GPR15LG: variants seen among roughly 807,000 people sequenced by gnomAD.
GPR15LG encodes protein GPR15LG.
At chr10:84,185,127 G>C in the GPR15LG span, 3 of 1,086,536 alleles carry the variant, frequency 2.8e-6, no homozygotes, top group Non-Finnish European at 3.4e-6. Flanking sequence ...GGCTGACCAA[G>C]ACTGCAGAGT....
At chr10:84,184,795 G>C in the GPR15LG span, 1 of 1,612,872 alleles carries the variant, frequency 6.2e-7, no homozygotes, top group Non-Finnish European at 8.5e-7. Flanking sequence ...CCAGACAGCG[G>C]AGAACCTCAT....
At chr10:84,180,431 C>G in the GPR15LG span, among the ~76,000 whole-genome samples, 1 of 151,212 alleles carries the variant, frequency 6.6e-6, no homozygotes, top group East Asian at 2.0e-4. Flanking sequence ...GGCAGAGGGG[C>G]TCCTCAGTTC....
the GPR15LG span, among the ~76,000 whole-genome samples, chr10:84,175,984 G>T: frequency 6.6e-6 from 1 of 151,992 alleles, no homozygotes; most frequent in Non-Finnish European, 1.5e-5. Context: ...CGCCTCCCGG[G>T]TTCAAGTGAT....
the GPR15LG span, among the ~76,000 whole-genome samples, chr10:84,181,271 G>T: frequency 1.3e-5 from 2 of 151,084 alleles, no homozygotes; most frequent in Non-Finnish European, 2.9e-5. Flanking sequence ...TAGAGGCAGG[G>T]TTTCACCATG....
the GPR15LG span, chr10:84,173,850 C>T: frequency 6.2e-7 from 1 of 1,611,480 alleles, no homozygotes; most frequent in Non-Finnish European, 8.5e-7. Context: ...TGCCTTCTCA[C>T]CATGAGGCTT....
the GPR15LG span, among the ~76,000 whole-genome samples, chr10:84,180,704 C>A: frequency 1.3e-5 from 2 of 152,192 alleles, no homozygotes; most frequent in Non-Finnish European, 2.9e-5. Flanking sequence ...GCAGAGGCTG[C>A]AATCTCAGCA....
the GPR15LG span, chr10:84,184,637 T>C: frequency 2.5e-6 from 4 of 1,605,322 alleles, no homozygotes; most frequent in Admixed American, 6.7e-5. Flanking sequence ...GACCTCGCCA[T>C]CTTCCTGTCC....
At chr10:84,180,103 A>G in the GPR15LG span, among the ~76,000 whole-genome samples, 47 of 152,344 alleles carry the variant, frequency 3.1e-4, no homozygotes, top group East Asian at 8.7e-3. Context: ...TGCTGCCTTC[A>G]AGCATCTGTT....
At chr10:84,176,226 T>C in the GPR15LG span, among the ~76,000 whole-genome samples, 1 of 152,142 alleles carries the variant, frequency 6.6e-6, no homozygotes, top group Non-Finnish European at 1.5e-5. Flanking sequence ...AAGGGGAGAA[T>C]TATTATGTCA....
the GPR15LG span, among the ~76,000 whole-genome samples, chr10:84,180,029 C>T: frequency 2.0e-5 from 3 of 152,148 alleles, no homozygotes; most frequent in African/African-American, 7.2e-5. Flanking sequence ...GCCTTGCCAC[C>T]TTCCGCAGTG....
the GPR15LG span, among the ~76,000 whole-genome samples, chr10:84,184,306 G>C: frequency 6.6e-6 from 1 of 152,228 alleles, no homozygotes; most frequent in East Asian, 1.9e-4. Flanking sequence ...CATCTGGAAG[G>C]AGACAGCCAG....
At chr10:84,184,730 C>T in the GPR15LG span, 5 of 1,613,798 alleles carry the variant, frequency 3.1e-6, no homozygotes, top group African/African-American at 5.3e-5. Flanking sequence ...CAGAGCCCCG[C>T]CTTTGGGTGG....
the GPR15LG span, among the ~76,000 whole-genome samples, chr10:84,177,286 C>T: frequency 6.6e-6 from 1 of 152,234 alleles, no homozygotes; most frequent in African/African-American, 2.4e-5. Flanking sequence ...GCTGCAGGCC[C>T]AGAGCAGATA....
chr10:84,176,401 C>T, the GPR15LG span: 119 of 978,072 alleles, frequency 1.2e-4, no homozygotes, highest in Non-Finnish European at 1.8e-4. Context: ...TATTCCTGAG[C>T]CCTGTGCCTT....
At chr10:84,176,343 C>A in the GPR15LG span, 5 of 711,924 alleles carry the variant, frequency 7.0e-6, no homozygotes, top group Non-Finnish European at 1.3e-5. Flanking sequence ...CCCACTCTTT[C>A]CCTAGGACCT....
At chr10:84,182,097 C>T in the GPR15LG span, among the ~76,000 whole-genome samples, 2 of 152,200 alleles carry the variant, frequency 1.3e-5, no homozygotes, top group Non-Finnish European at 2.9e-5. Context: ...CCTCCCTCGC[C>T]ATAGGGTTGT....
the GPR15LG span, among the ~76,000 whole-genome samples, chr10:84,177,505 G>A: frequency 2.0e-5 from 3 of 152,214 alleles, no homozygotes; most frequent in South Asian, 4.1e-4. Flanking sequence ...CATGGCCCAT[G>A]GGGTCCATGA....
the GPR15LG span, among the ~76,000 whole-genome samples, chr10:84,180,868 C>T: frequency 2.0e-5 from 3 of 152,242 alleles, no homozygotes; most frequent in African/African-American, 7.2e-5. Flanking sequence ...GCAGATCACT[C>T]GTGGTCAGGA....
the GPR15LG span, chr10:84,184,967 C>A: frequency 7.0e-7 from 1 of 1,421,528 alleles, no homozygotes; most frequent in Non-Finnish European, 9.1e-7. Context: ...TCAGAGCTAT[C>A]ATGAGCCAAC....
Sources: gnomAD v4.1 joint callset for allele counts (sites outside exome capture counted in the v4.1 genomes callset) on GRCh38, gnomAD v4.1.1 for gene constraint, MANE v1.5 for transcripts, NCBI Gene and HGNC (gene_info 2026-07-23, HGNC 2026-07-21) for gene names.